The following MYO18B variants were observed in gnomAD, a reference collection of about 807,000 sequenced individuals.
MYO18B encodes unconventional myosin-XVIIIb.
In MYO18B, 204 loss-of-function variants were observed where a neutral mutation model predicts 273.0. The ratio of observed to expected loss-of-function variants is 0.75; its 90% CI spans 0.67 to 0.84. MYO18B has a LOEUF of 0.84. Among genes scored for constraint, MYO18B ranks in the 40% least tolerant of loss-of-function variants. MYO18B has a pLI of 0.00. For missense variants in MYO18B, 3,212 were observed against 3,287.6 expected (o/e 0.98, Z 0.56); for synonymous variants, 1,330 against 1,305.7 (o/e 1.02, Z -0.40).
chr22:26,015,400 T>G (rs1297214601), intron 42 of MYO18B, among the ~76,000 whole-genome samples: 1 of 152,184 alleles, frequency 6.6e-6, no homozygotes, highest in Non-Finnish European at 1.5e-5. Flanking sequence ...GGAATCAACT[T>G]AAATGCCCAT....
At chr22:26,038,639 G>A in the MYO18B span, among the ~76,000 whole-genome samples, 5 of 152,142 alleles carry the variant, frequency 3.3e-5, no homozygotes, top group African/African-American at 4.8e-5. Context: ...ATTTGAGGGA[G>A]CTGTAGTTAC....
the MYO18B span, among the ~76,000 whole-genome samples, chr22:26,037,279 C>T: frequency 1.7e-4 from 26 of 152,230 alleles, no homozygotes; most frequent in Non-Finnish European, 1.0e-4. Flanking sequence ...GGTTTCTTCT[C>T]GAGTAATAAG....
Position 25,828,960 on chromosome 22 carries a change from T to C in MYO18B, c.2971T>C (p.Tyr991His). 6.2e-7 allele frequency: 1 copy of C among 1,613,916 alleles called. No homozygotes were observed. The highest frequency in any genetic ancestry group is 8.5e-7 in the Non-Finnish European group (1 of 1,179,882). The change falls in exon 15 of 44, where the codon TAT (tyrosine) becomes CAT (histidine). Residue 991 changes from tyrosine to histidine, a missense_variant. Coordinates refer to ENST00000335473, the MANE Select transcript of MYO18B (RefSeq NM_032608.7). ...GACCTTTGTCTCCACGCTACAGCGA[T>C]ATCAAGAGGTATGCCTGGGCTGGAG... ...QRTFVSTLQR[Y>H]QEEGVPVQFD...
At chr22:25,877,858 T>G (rs988575662) in intron 24 of MYO18B, 101 bp from the exon 25 acceptor site, 6 of 808,758 alleles carry the variant, frequency 7.4e-6, no homozygotes, top group Non-Finnish European at 1.2e-5. Context: ...CTAAGGTTTA[T>G]TCCTCCTAAC....
rs1327309851 is a variant in MYO18B, at chr22:25,992,212, C to A, written c.6157-151C>A. 9.3e-6 allele frequency: 8 copies of A among 863,184 alleles called. No individual in the cohort carries two copies. The African/African-American group carries it at 1.3e-4, about 15-fold the overall frequency. 53.5% of individuals were successfully genotyped at this position (863,184 alleles called of 1,614,324 possible). On this transcript the variant is annotated intron_variant, in intron 39 of 43. Transcript: ENST00000335473. ...CTGGTTGAGGATCCCATAAATCTGT[C>A]CGCAGAGAGAGCCTCTCACGGAGAA... is the stretch of plus-strand genomic sequence containing the variant.
Position 25,828,956 on chromosome 22 carries a change from G to A in MYO18B, c.2967G>A (p.Gln989=). 1 of 1,613,942 alleles carries A rather than the reference G, an allele frequency of 6.2e-7. No homozygotes were observed. The highest frequency in any genetic ancestry group is 8.5e-7 in the Non-Finnish European group (1 of 1,179,892). ...AGCGGACCTTTGTCTCCACGCTACA[G>A]CGATATCAAGAGGTATGCCTGGGCT... ...FYQRTFVSTL[Q]RYQEEGVPVQ... is the part of the protein sequence containing the mutation. Residue 989 remains glutamine (Q), a synonymous_variant, in exon 15 of 44, where the codon CAG becomes CAA. Coordinates refer to ENST00000335473, the MANE Select transcript of MYO18B (RefSeq NM_032608.7).
intron 25 of MYO18B, among the ~76,000 whole-genome samples, chr22:25,886,134 G>T (rs1450514092): frequency 6.6e-6 from 1 of 152,222 alleles, no homozygotes; most frequent in African/African-American, 2.4e-5. Context: ...GACAACATCA[G>T]TACCCACTTC....
Position 25,955,280 on chromosome 22 carries a change from C to T in MYO18B, c.6072C>T (p.Tyr2024=). The change falls in exon 39 of 44, where the codon TAC becomes TAT. Residue 2024 remains tyrosine, a synonymous_variant. Transcript: ENST00000335473. ...ESQQRESSQY[Y]QRRLEELKAD... The stretch of plus-strand genomic sequence containing the variant: ...AGCAGCGGGAGAGCAGCCAGTACTA[C>T]CAGCGGCGCCTGGAAGAGCTGAAGG... The T allele has an allele frequency of 6.2e-7, 1 of 1,613,790 alleles. No individual in the cohort carries two copies. The highest frequency in any genetic ancestry group is 8.5e-7 in the Non-Finnish European group (1 of 1,179,854).
chr22:25,868,208 A>T, intron 21 of MYO18B, 112 bp from the exon 22 acceptor site: 1 of 863,906 alleles, frequency 1.2e-6, no homozygotes, highest in Non-Finnish European at 1.8e-6. Context: ...GCTCACAGAC[A>T]TGTGGGGTCA....
At chr22:25,959,945 G>A (rs1569238394) in intron 39 of MYO18B, among the ~76,000 whole-genome samples, 1 of 152,222 alleles carries the variant, frequency 6.6e-6, no homozygotes, top group Admixed American at 6.5e-5. Context: ...GCCCTGGAGA[G>A]CAGTGGGAAG....
chr22:25,767,572 C>CTGGAGAGT (rs2145576667), intron 3 of MYO18B, among the ~76,000 whole-genome samples: 1 of 152,326 alleles, frequency 6.6e-6, no homozygotes, highest in East Asian at 1.9e-4. Flanking sequence ...GGAAGCCTAG[C>CTGGAGAGT]TGGAGAGTGT....
chr22:26,020,811 G>A (rs186317773), intron 42 of MYO18B, among the ~76,000 whole-genome samples: 36 of 152,238 alleles, frequency 2.4e-4, no homozygotes, highest in African/African-American at 7.5e-4. Flanking sequence ...CTGGGGGCCC[G>A]GGCACCGTGA....
chr22:25,959,535 C>T (rs1394374507), intron 39 of MYO18B, among the ~76,000 whole-genome samples: 3 of 152,168 alleles, frequency 2.0e-5, no homozygotes, highest in Non-Finnish European at 4.4e-5. Flanking sequence ...CCCAGCCTCC[C>T]AAAGTGCTAG....
intron 34 of MYO18B, among the ~76,000 whole-genome samples, chr22:25,945,649 G>A (rs911773992): frequency 3.3e-5 from 5 of 151,080 alleles, no homozygotes; most frequent in Non-Finnish European, 5.9e-5. Context: ...AGAGGGGAAG[G>A]ACATTGAAGG....
intron 33 of MYO18B, among the ~76,000 whole-genome samples, chr22:25,911,994 A>G (rs573552700): frequency 6.6e-6 from 1 of 152,326 alleles, no homozygotes; most frequent in South Asian, 2.1e-4. Flanking sequence ...TTTGCTTAAC[A>G]TGGGTTCGAT....
At chr22:25,966,725 T>C (rs1427390718) in intron 39 of MYO18B, among the ~76,000 whole-genome samples, 2 of 152,240 alleles carry the variant, frequency 1.3e-5, no homozygotes, top group African/African-American at 2.4e-5. Context: ...CTAGGCACTG[T>C]GGTTTCCTGT....
rs17704912 is a variant in MYO18B at position 25,835,345 on chromosome 22, G to A, written c.3110G>A (p.Trp1037Ter). 2.7e-5 allele frequency: 43 copies of A among 1,613,824 alleles called. No homozygotes were observed. The Admixed American group carries it at 6.3e-4, about 24-fold the overall frequency. ...GGAQDARGLF[W>*]VLDEEVHVEG... ...GCCCAGGATGCCAGAGGCCTTTTCT[G>A]GGTCTTAGATGAGGAAGTCCATGTA... is the stretch of plus-strand genomic sequence containing the variant. The change falls in exon 17 of 44, where the codon TGG (tryptophan) becomes TAG (stop). Residue 1037 changes from tryptophan to a stop codon, truncating the protein, a stop_gained. Coordinates refer to ENST00000335473, the MANE Select transcript of MYO18B (RefSeq NM_032608.7). LOFTEE classifies it high-confidence loss of function.
chr22:25,770,861 T>G lies in MYO18B; in HGVS notation c.1580-11T>G, dbSNP rs781322730. 432 of 1,547,578 alleles carry G rather than the reference T, an allele frequency of 2.8e-4. No homozygotes were observed. The highest frequency in any genetic ancestry group is 3.0e-4 in the Non-Finnish European group (340 of 1,143,188). On this transcript the variant is annotated splice_polypyrimidine_tract_variant and intron_variant, in intron 5 of 43. Coordinates refer to ENST00000335473, the MANE Select transcript of MYO18B (RefSeq NM_032608.7). ...CCCCGTTCCCCTTCTCTCTCTGGGATGTCCAACCAGCTACGGTGCTAAAGC... is the reference window on the plus strand; with the variant it reads ...CCCCGTTCCCCTTCTCTCTCTGGGAGGTCCAACCAGCTACGGTGCTAAAGC...
intron 3 of MYO18B, 68 bp downstream of exon 3, chr22:25,763,457 T>A (rs928256591): frequency 1.3e-6 from 2 of 1,524,580 alleles, no homozygotes; most frequent in African/African-American, 2.8e-5. Context: ...GTGAGCTTCC[T>A]CTGAGTCATT....
Sources: allele counts gnomAD v4.1 joint callset (sites outside exome capture counted in the v4.1 genomes callset), GRCh38; gene constraint gnomAD v4.1.1; transcripts MANE v1.5; gene names NCBI Gene and HGNC (gene_info 2026-07-23, HGNC 2026-07-21).